Variants in PRKRIP1 observed in about 807,000 individuals in gnomAD.
PRKRIP1 encodes the protein PRKR interacting protein 1.
In PRKRIP1, 29 loss-of-function variants were observed where a neutral mutation model predicts 29.3. The observed-to-expected ratio is 0.99, with a 90% CI of 0.74 to 1.35. The LOEUF (loss-of-function observed/expected upper bound fraction) is 1.35. PRKRIP1 is among the 40% of genes most tolerant of loss of function. The pLI, the probability that PRKRIP1 is intolerant of heterozygous loss-of-function variation, is 0.00. For missense variants in PRKRIP1, 247 were observed against 236.8 expected (o/e 1.04, Z -0.28); for synonymous variants, 90 against 85.1 (o/e 1.06, Z -0.32).
Position 102,417,620 on chromosome 7 carries a change from C to CTT in PRKRIP1, c.458-7373_458-7372dup, listed in dbSNP as rs1276644958. On this transcript the variant is annotated intron_variant, in intron 5 of 5. Coordinates refer to ENST00000397912, the MANE Select transcript of PRKRIP1 (RefSeq NM_024653.4). ...GACAAAGTCCCATCATTGTGGGTAC[C>CTT]TTTTTTTTTTTTTTTTTTTTTTGAG... Among the ~76,000 whole-genome samples the CTT allele has an allele frequency of 7.8e-3, 989 of 127,300 alleles. 18 individuals carry two copies. The highest frequency in any genetic ancestry group is 0.024 in the African/African-American group (807 of 33,590). The allele number at this position is 127,300 out of a possible 152,430, so 83.5% of individuals were successfully genotyped here. A position where few individuals can be genotyped will look rare whatever the true frequency, so the allele number is the denominator to read the frequency against.
chr7:102,408,529 A>T (rs1296790395), intron 5 of PRKRIP1, among the ~76,000 whole-genome samples: 9 of 152,216 alleles, frequency 5.9e-5, no homozygotes, highest in African/African-American at 2.2e-4. Context: ...ATCCCTGGGA[A>T]CTCATGGGCT....
intron 3 of PRKRIP1, among the ~76,000 whole-genome samples, chr7:102,400,112 G>C (rs1169525267): frequency 2.0e-5 from 3 of 151,594 alleles, no homozygotes; most frequent in Non-Finnish European, 4.4e-5. Flanking sequence ...ACAAAATGCA[G>C]AGTCTCTACT....
At position 102,396,544 on chromosome 7, in the gene PRKRIP1, C is replaced by T; in HGVS notation, c.126+7C>T. 1 of 1,605,614 alleles carries T rather than the reference C, an allele frequency of 6.2e-7. No individual in the cohort carries two copies. Among genetic ancestry groups the T allele is most frequent in the Non-Finnish European group, 8.5e-7 (1 of 1,177,144 alleles). On this transcript the variant is annotated splice_region_variant and intron_variant, in intron 1 of 5. Coordinates refer to ENST00000397912, the MANE Select transcript of PRKRIP1 (RefSeq NM_024653.4). The stretch of plus-strand genomic sequence containing the variant: ...GCGGCTCATGAAGAACCCGGTGAGA[C>T]GAGGCCCAGGCTCCACGGCCCGTCC...
rs201659916 is a variant in PRKRIP1 at position 102,396,472 on chromosome 7, C to G, written c.61C>G (p.Leu21Val). Residue 21 changes from leucine (L) to valine (V), a missense_variant, in exon 1 of 6, where the codon CTC becomes GTC. Physicochemically the swap from Leu to Val is conservative, Grantham distance 32. Coordinates refer to ENST00000397912, the MANE Select transcript of PRKRIP1 (RefSeq NM_024653.4). ...GAGGCCCAAGAAAGAGCCGCAGACGCTCGTCATCCCCAAGAATGCGGCGGA... is the reference window on the plus strand; with the variant it reads ...GAGGCCCAAGAAAGAGCCGCAGACGGTCGTCATCCCCAAGAATGCGGCGGA... ...PPRPKKEPQTLVIPKNAAEEQ... is the reference protein window; with the variant it reads ...PPRPKKEPQTVVIPKNAAEEQ... 1 of 1,609,924 alleles carries G rather than the reference C, an allele frequency of 6.2e-7. No homozygotes were observed. The highest frequency in any genetic ancestry group is 8.5e-7 in the Non-Finnish European group (1 of 1,179,130).
chr7:102,402,291 A>G lies in PRKRIP1; in HGVS notation c.307-2307A>G, dbSNP rs568077238. Among the ~76,000 whole-genome samples the G allele has an allele frequency of 2.0e-5, 3 of 152,088 alleles. No homozygotes were observed. In the South Asian group the frequency reaches 6.2e-4, roughly 32 times the overall value. ...CATCTCTACAAAGAATACAAAGACTAGCCAGATGTGGTGGTAGCCACCTGT... is the reference window on the plus strand; with the variant it reads ...CATCTCTACAAAGAATACAAAGACTGGCCAGATGTGGTGGTAGCCACCTGT... On this transcript the variant is annotated intron_variant, in intron 3 of 5. Coordinates refer to ENST00000397912, the MANE Select transcript of PRKRIP1 (RefSeq NM_024653.4).
At chr7:102,413,905 A>C (rs1796462888) in intron 5 of PRKRIP1, among the ~76,000 whole-genome samples, 1 of 152,150 alleles carries the variant, frequency 6.6e-6, no homozygotes, top group South Asian at 2.1e-4. Flanking sequence ...CCTGGATCTT[A>C]AAATAATATA....
chr7:102,399,591 AC>A lies in PRKRIP1; in HGVS notation c.250del (p.His84IlefsTer51). 6.2e-7 allele frequency: 1 copy of A among 1,614,138 alleles called. No homozygotes were observed. Among genetic ancestry groups the A allele is most frequent in the South Asian group, 1.1e-5 (1 of 91,088 alleles). On this transcript the variant is annotated frameshift_variant, in exon 3 of 6. Coordinates refer to ENST00000397912, the MANE Select transcript of PRKRIP1 (RefSeq NM_024653.4). LOFTEE classifies it high-confidence loss of function. ...GCAGTGGAGAGTTCCACGTGTACAG[AC>A]ATCTGCGCCGGAGAGAATATCAGCG... ...AGSGEFHVYRHLRRREYQRQD... is the reference protein window; with the variant it reads ...AGSGEFHVYRXLRRREYQRQD...
rs112631429 is a variant in PRKRIP1 at position 102,404,711 on chromosome 7, C to T, written c.392+28C>T. ...AAGCGGCATGGCCTAACTGTGATGACACTTAAGGGCCAGGGGTGGTGGCTG... is the reference window on the plus strand; with the variant it reads ...AAGCGGCATGGCCTAACTGTGATGATACTTAAGGGCCAGGGGTGGTGGCTG... On this transcript the variant is annotated intron_variant, in intron 4 of 5. Transcript: ENST00000397912. 192 of 1,585,414 alleles carry T rather than the reference C, an allele frequency of 1.2e-4. No homozygotes were observed. In the African/African-American group the frequency reaches 1.9e-3, roughly 16 times the overall value.
intron 3 of PRKRIP1, among the ~76,000 whole-genome samples, chr7:102,402,328 C>T (rs1796095130): frequency 6.6e-6 from 1 of 151,858 alleles, no homozygotes. Context: ...GTCCCAGCTG[C>T]TTGGGAGGCT....
chr7:102,424,900 G>A, intron 5 of PRKRIP1, 114 bp from the exon 6 acceptor site: 1 of 1,073,982 alleles, frequency 9.3e-7, no homozygotes, highest in Non-Finnish European at 1.3e-6. Context: ...CTGGTTTCTT[G>A]CCATGCGGTC....
intron 5 of PRKRIP1, among the ~76,000 whole-genome samples, chr7:102,412,660 G>A (rs1246648138): frequency 6.6e-6 from 1 of 152,208 alleles, no homozygotes; most frequent in Non-Finnish European, 1.5e-5. Flanking sequence ...GAAAGAAATG[G>A]GAGTAATGTG....
intron 2 of PRKRIP1, among the ~76,000 whole-genome samples, chr7:102,398,485 A>G (rs60019355): frequency 2.6e-5 from 4 of 151,978 alleles, no homozygotes; most frequent in South Asian, 2.1e-4. Context: ...GGGTTTCACT[A>G]TGTTGGCCAG....
At chr7:102,418,638 C>T (rs1554573410) in intron 5 of PRKRIP1, among the ~76,000 whole-genome samples, 2 of 152,188 alleles carry the variant, frequency 1.3e-5, no homozygotes, top group African/African-American at 4.8e-5. Context: ...TGTCACCTCT[C>T]ACTCCAATAG....
intron 5 of PRKRIP1, among the ~76,000 whole-genome samples, chr7:102,411,845 A>G (rs190856277): frequency 6.6e-6 from 1 of 151,248 alleles, no homozygotes; most frequent in East Asian, 1.9e-4. Flanking sequence ...TTAGGTAACT[A>G]TCCTAATGGG....
chr7:102,413,982 C>T (rs1554572791), intron 5 of PRKRIP1, among the ~76,000 whole-genome samples: 2 of 152,146 alleles, frequency 1.3e-5, no homozygotes, highest in African/African-American at 2.4e-5. Context: ...AATCATAGCA[C>T]TTTGGGAGGG....
intron 3 of PRKRIP1, among the ~76,000 whole-genome samples, chr7:102,403,752 T>C (rs1248808066): frequency 6.6e-6 from 1 of 152,232 alleles, no homozygotes; most frequent in Non-Finnish European, 1.5e-5. Flanking sequence ...ATGAGTAGAC[T>C]GAGGCTTGGA....
At chr7:102,410,825 T>C (rs1355756250) in intron 5 of PRKRIP1, among the ~76,000 whole-genome samples, 1 of 152,248 alleles carries the variant, frequency 6.6e-6, no homozygotes, top group Non-Finnish European at 1.5e-5. Flanking sequence ...GTATGTTTCC[T>C]GTACGTCAAA....
At chr7:102,423,059 A>G (rs1554573961) in intron 5 of PRKRIP1, 1 of 428,592 alleles carries the variant, frequency 2.3e-6, no homozygotes, top group South Asian at 1.6e-5. Context: ...CCTTCCACAA[A>G]CATCCAGCTC....
chr7:102,396,416 C>G lies in PRKRIP1; in HGVS notation c.5C>G (p.Ala2Gly). 1.3e-6 allele frequency: 2 copies of G among 1,577,538 alleles called. No homozygotes were observed. The highest frequency in any genetic ancestry group is 1.7e-6 in the Non-Finnish European group (2 of 1,168,726). The change falls in exon 1 of 6, where the codon GCT becomes GGT. Residue 2 changes from alanine (A) to glycine (G), a missense_variant. Coordinates refer to ENST00000397912, the MANE Select transcript of PRKRIP1 (RefSeq NM_024653.4). MASPAASSVRPP... is the reference protein window; with the variant it reads MGSPAASSVRPP... Reference sequence around the variant, plus strand: ...TTGTGAAACTGGAAGGCTGCCATGGCTAGCCCAGCCGCCTCCTCGGTGCGA... The same window carrying G: ...TTGTGAAACTGGAAGGCTGCCATGGGTAGCCCAGCCGCCTCCTCGGTGCGA...
Sources: gnomAD v4.1 joint callset for allele counts (sites outside exome capture counted in the v4.1 genomes callset) on GRCh38, gnomAD v4.1.1 for gene constraint, MANE v1.5 for transcripts, NCBI Gene and HGNC (gene_info 2026-07-23, HGNC 2026-07-21) for gene names.